The following SNTG2 variants were observed in gnomAD, a reference collection of about 807,000 sequenced individuals.
SNTG2 encodes syntrophin gamma 2, also known as gamma-2-syntrophin.
In SNTG2, 74 loss-of-function variants were observed where a neutral mutation model predicts 70.9. The observed-to-expected ratio is 1.04, with a 90% confidence interval of 0.86 to 1.27. SNTG2 has a LOEUF of 1.27. SNTG2 is among the 50% of genes most tolerant of loss of function. SNTG2 has a pLI of 0.00. For missense variants in SNTG2, 717 were observed against 690.7 expected, an observed-to-expected ratio of 1.04 and a Z score of -0.43; for synonymous variants, 278 against 273.8, an observed-to-expected ratio of 1.02 and a Z score of -0.15.
chr2:1,054,891 G>C (rs191256651), intron 1 of SNTG2, among the ~76,000 whole-genome samples: 55 of 152,216 alleles, frequency 3.6e-4, no homozygotes, highest in Admixed American at 3.3e-3. Flanking sequence ...ATGAAAATTA[G>C]CCATTTTAGA....
At chr2:1,266,653 G>T (rs929118338) in intron 13 of SNTG2, among the ~76,000 whole-genome samples, 2 of 151,958 alleles carry the variant, frequency 1.3e-5, no homozygotes, top group Admixed American at 1.3e-4. Flanking sequence ...ACTCGGAGGC[G>T]CAGGGGGCAC....
intron 11 of SNTG2, among the ~76,000 whole-genome samples, chr2:1,246,328 C>T (rs1457739376): frequency 6.6e-6 from 1 of 152,198 alleles, no homozygotes; most frequent in East Asian, 1.9e-4. Context: ...CAGGAAGTCT[C>T]TCCAGCTTAA....
chr2:1,007,811 T>G (rs777173027), intron 1 of SNTG2, among the ~76,000 whole-genome samples: 1 of 152,210 alleles, frequency 6.6e-6, no homozygotes, highest in Non-Finnish European at 1.5e-5. Context: ...TCACTCGATG[T>G]CACCCAGGCT....
chr2:1,144,983 C>G (rs1669004848), intron 6 of SNTG2, among the ~76,000 whole-genome samples: 1 of 152,030 alleles, frequency 6.6e-6, no homozygotes, highest in Non-Finnish European at 1.5e-5. Flanking sequence ...ACACACTGGT[C>G]AAAGAAGAAA....
chr2:970,284 ATTAT>A (rs892049545), intron 1 of SNTG2, among the ~76,000 whole-genome samples: 13 of 151,972 alleles, frequency 8.6e-5, no homozygotes, highest in African/African-American at 2.9e-4. Flanking sequence ...ATTTTTTTTA[ATTAT>A]TTAAGTTGTA....
intron 9 of SNTG2, among the ~76,000 whole-genome samples, chr2:1,222,125 G>GTCTC (rs1553362354): frequency 1.3e-5 from 1 of 76,264 alleles, no homozygotes; most frequent in African/African-American, 7.6e-5. Flanking sequence ...GTCTCTCTCT[G>GTCTC]TCTCTCTCTG....
intron 9 of SNTG2, among the ~76,000 whole-genome samples, chr2:1,228,638 G>A (rs1038164791): frequency 4.6e-5 from 7 of 152,148 alleles, no homozygotes; most frequent in East Asian, 1.9e-4. Flanking sequence ...GTAAAAGCGC[G>A]GCCACGGCTT....
intron 9 of SNTG2, among the ~76,000 whole-genome samples, chr2:1,233,836 G>A (rs1442576557): frequency 2.6e-5 from 4 of 151,982 alleles, no homozygotes; most frequent in Non-Finnish European, 4.4e-5. Context: ...CAAAAGTGCC[G>A]ACACAGTCAG....
At chr2:1,291,804 G>C (rs374995125) in intron 14 of SNTG2, among the ~76,000 whole-genome samples, 4 of 152,262 alleles carry the variant, frequency 2.6e-5, no homozygotes, top group South Asian at 4.1e-4. Context: ...TTTTAAGATT[G>C]TTTTGGCTAT....
intron 6 of SNTG2, among the ~76,000 whole-genome samples, chr2:1,140,729 T>A (rs2147773971): frequency 6.6e-6 from 1 of 152,380 alleles, no homozygotes; most frequent in Non-Finnish European, 1.5e-5. Context: ...TGGGAAATTT[T>A]AAAAAGACGT....
rs1476491726 is a variant in SNTG2 at position 1,353,701 on chromosome 2, G to C, written c.1489-13642G>C. ...CTTTCCCATAGGGCCATTAGGTAAT[G>C]ATTGGGAAAACTAAGAACCCAGGAT... On this transcript the variant is annotated intron_variant, in intron 16 of 16. Coordinates refer to ENST00000308624, the MANE Select transcript of SNTG2 (RefSeq NM_018968.4). The surrounding 1 kb of genome is among the most constrained non-coding windows in gnomAD (Gnocchi z 4.2). 6.6e-6 allele frequency: 1 copy of C among 152,194 alleles called. No individual in the cohort carries two copies. Among genetic ancestry groups the C allele is most frequent in the Non-Finnish European group, 1.5e-5 (1 of 68,044 alleles). 9.4% of individuals were successfully genotyped at this position (152,194 alleles called of 1,614,324 possible).
At chr2:1,323,260 G>T (rs1440489025) in intron 16 of SNTG2, among the ~76,000 whole-genome samples, 1 of 152,196 alleles carries the variant, frequency 6.6e-6, no homozygotes, top group African/African-American at 2.4e-5. Flanking sequence ...TGGTCAGCTT[G>T]GAGCTCAGTG....
Position 950,932 on chromosome 2 carries a change from C to G in SNTG2, c.-65C>G. ...CGGCGCCTGGCGGGGCCCTGGGAGGCTCGGACGGGGTCCTGGCGTTGAGCT... is the reference window on the plus strand; with the variant it reads ...CGGCGCCTGGCGGGGCCCTGGGAGGGTCGGACGGGGTCCTGGCGTTGAGCT... On this transcript the variant is annotated 5_prime_UTR_variant, in exon 1 of 17. Transcript: ENST00000308624. 1.2e-6 allele frequency: 1 copy of G among 861,062 alleles called. No homozygotes were observed. The highest frequency in any genetic ancestry group is 5.6e-5 in the South Asian group (1 of 17,768). The allele number at this position is 861,062 out of a possible 1,614,324, so 53.3% of individuals were successfully genotyped here.
Position 1,310,251 on chromosome 2 carries a change from G to C in SNTG2, c.1377+1665G>C, listed in dbSNP as rs1178371525. Among the ~76,000 whole-genome samples the C allele has an allele frequency of 3.3e-5, 5 of 152,222 alleles. No individual in the cohort carries two copies. In the South Asian group the frequency reaches 1.0e-3, roughly 32 times the overall value. The stretch of plus-strand genomic sequence containing the variant: ...AGCTCCTCCTTTCCAGGAGCGAAAC[G>C]CTGGCCCACCGGCCCCATTGCCTGG... On this transcript the variant is annotated intron_variant, in intron 15 of 16. Transcript: ENST00000308624.
rs77755568 is a variant in SNTG2, at chr2:1,363,208, C to T, written c.1489-4135C>T. Among the ~76,000 whole-genome samples the T allele has an allele frequency of 6.2e-3, 933 of 150,966 alleles. 12 individuals are homozygous for T. The highest frequency in any genetic ancestry group is 0.021 in the African/African-American group (846 of 41,076). On this transcript the variant is annotated intron_variant, in intron 16 of 16. Coordinates refer to ENST00000308624, the MANE Select transcript of SNTG2 (RefSeq NM_018968.4). ...CAAAAGACCCTGGCAACACCACAAG[C>T]TGCACAAAGACCACTGCAACCTTGT...
intron 6 of SNTG2, among the ~76,000 whole-genome samples, chr2:1,152,496 T>C (rs1669566234): frequency 6.6e-6 from 1 of 152,144 alleles, no homozygotes; most frequent in South Asian, 2.1e-4. Flanking sequence ...CATGGATGCG[T>C]ATATTCGGTG....
At chr2:1,295,590 G>C (rs1320916777) in intron 14 of SNTG2, among the ~76,000 whole-genome samples, 2 of 152,210 alleles carry the variant, frequency 1.3e-5, no homozygotes, top group Non-Finnish European at 2.9e-5. Context: ...GGGAGGGGCA[G>C]GCAGGTGTCA....
intron 4 of SNTG2, among the ~76,000 whole-genome samples, chr2:1,120,020 A>G (rs1320931793): frequency 1.3e-5 from 2 of 152,170 alleles, no homozygotes; most frequent in Non-Finnish European, 1.5e-5. Flanking sequence ...TTCTCTATCA[A>G]TAAACACCTT....
intron 1 of SNTG2, among the ~76,000 whole-genome samples, chr2:1,042,655 G>T (rs1034143188): frequency 1.3e-5 from 2 of 152,160 alleles, no homozygotes; most frequent in African/African-American, 4.8e-5. Context: ...ACTCACTTAG[G>T]ATAATGGCCT....
Sources: gnomAD v4.1 joint callset for allele counts (sites outside exome capture counted in the v4.1 genomes callset) on GRCh38, gnomAD v4.1.1 for gene constraint, Gnocchi (gnomAD v3.1) non-coding constraint, MANE v1.5 for transcripts, NCBI Gene and HGNC (gene_info 2026-07-23, HGNC 2026-07-21) for gene names.